The following SERPINB7 variants were observed in gnomAD, a reference collection of about 807,000 sequenced individuals.
SERPINB7 encodes serpin family B member 7, also known as serpin B7.
In SERPINB7, 31 loss-of-function variants were observed where a neutral mutation model predicts 37.4. The observed-to-expected ratio is 0.83, with a 90% CI of 0.62 to 1.12. SERPINB7 has a LOEUF of 1.12. Ranked by LOEUF, SERPINB7 falls within the 50% of genes most tolerant of loss-of-function variation. The pLI is 0.00. For missense variants in SERPINB7, 521 were observed against 455.3 expected (o/e 1.14, Z -1.31); for synonymous variants, 163 against 166.1 (o/e 0.98, Z 0.14).
At position 63,767,816 on chromosome 18, in the gene SERPINB7, G is replaced by C. The variant is rs147533203; in HGVS notation, c.-18-14539G>C. On this transcript the variant is annotated intron_variant, in intron 1 of 7. Transcript: ENST00000336429. ...CTGGGACTTGAGATTTCTATTTTTG[G>C]AGTTTAAAACTACACATTTAATTTT... Among the ~76,000 whole-genome samples the C allele has an allele frequency of 7.4e-3, 1,125 of 152,074 alleles. 3 individuals carry two copies. The highest frequency in any genetic ancestry group is 0.017 in the Middle Eastern group (5 of 294).
In SERPINB7 at chr18:63,782,402, GT is replaced by G. The variant is rs2049309432; in HGVS notation, c.34del (p.Cys12AlafsTer22). 1 of 1,613,406 alleles carries G rather than the reference GT, an allele frequency of 6.2e-7. No homozygotes were observed. The highest frequency in any genetic ancestry group is 1.7e-5 in the Admixed American group (1 of 59,980). On this transcript the variant is annotated frameshift_variant, in exon 2 of 8. Coordinates refer to ENST00000398019, the MANE Select transcript of SERPINB7 (RefSeq NM_003784.4). LOFTEE classifies it high-confidence loss of function. MASLAAANAEFCFNLFREMDD... is the reference protein window; with the variant it reads MASLAAANAEXCFNLFREMDD... ...CCTCCCTTGCTGCAGCAAATGCAGA[GT>G]TTTGCTTCAACCTGTTCAGAGAGAT...
chr18:63,786,089 TA>T (rs200640442), intron 2 of SERPINB7, among the ~76,000 whole-genome samples: 2,879 of 129,136 alleles, frequency 0.022, 665 homozygotes, highest in African/African-American at 0.1. Flanking sequence ...CATATATACA[TA>T]TAATATAAGT....
intron 7 of SERPINB7, among the ~76,000 whole-genome samples, chr18:63,802,896 A>G (rs1309838746): frequency 6.6e-6 from 1 of 152,232 alleles, no homozygotes; most frequent in Admixed American, 6.5e-5. Context: ...AGCAAGAGAA[A>G]TGTCATAAAA....
chr18:63,794,354 T>C lies in SERPINB7; in HGVS notation c.336+1077T>C, dbSNP rs1018123884. Among the ~76,000 whole-genome samples the C allele has an allele frequency of 8.5e-5, 13 of 152,064 alleles. 1 individual carries two copies. Among genetic ancestry groups the C allele is most frequent in the African/African-American group, 3.1e-4 (13 of 41,384 alleles). ...CTTTATTCCTTGCTGACATCTTGCA[T>C]GTATCAATCTCTTGCATGTTTCAAC... On this transcript the variant is annotated intron_variant, in intron 4 of 7. Transcript: ENST00000398019.
chr18:63,785,406 A>C (rs1190608060), intron 2 of SERPINB7, among the ~76,000 whole-genome samples: 4 of 152,086 alleles, frequency 2.6e-5, no homozygotes, highest in Admixed American at 2.6e-4. Flanking sequence ...TCTTTAACCC[A>C]ATCTTTTTAA....
intron 7 of SERPINB7, among the ~76,000 whole-genome samples, chr18:63,802,593 GTGTA>G (rs1416094323): frequency 6.6e-6 from 1 of 152,148 alleles, no homozygotes; most frequent in Non-Finnish European, 1.5e-5. Flanking sequence ...GCATATTTGT[GTGTA>G]TGTATGTGCA....
chr18:63,770,646 A>G (rs60414495), upstream of SERPINB7, among the ~76,000 whole-genome samples: 4,382 of 152,108 alleles, frequency 0.029, 107 homozygotes, highest in African/African-American at 0.058. Flanking sequence ...TAGTTTTATT[A>G]AATGTGATCA....
chr18:63,760,490 G>T (rs551145921), intron 1 of SERPINB7, among the ~76,000 whole-genome samples: 1 of 152,336 alleles, frequency 6.6e-6, no homozygotes, highest in South Asian at 2.1e-4. Flanking sequence ...GCTGGCTGCA[G>T]AAATTTGCAT....
rs765412047 is a variant in SERPINB7, at chr18:63,798,728, C to T, written c.579C>T (p.Cys193=). 2.5e-6 allele frequency: 4 copies of T among 1,612,018 alleles called. No homozygotes were observed. The African/African-American group carries it at 5.3e-5, about 22-fold the overall frequency. ...SAFTKSETIN[C]HFKSPKCSGK... ...TCACCAAGAGCGAAACCATAAATTG[C>T]CATTTCAAATCTCCCAAGGTATGTC... The change falls in exon 6 of 8, where the codon TGC becomes TGT. Residue 193 remains cysteine (C), a synonymous_variant. Coordinates refer to ENST00000398019, the MANE Select transcript of SERPINB7 (RefSeq NM_003784.4).
intron 5 of SERPINB7, among the ~76,000 whole-genome samples, chr18:63,798,178 T>C (rs2049508105): frequency 6.6e-6 from 1 of 152,212 alleles, no homozygotes; most frequent in Admixed American, 6.5e-5. Context: ...TTATGTGGAA[T>C]GAAGGAGGGC....
intron 2 of SERPINB7, among the ~76,000 whole-genome samples, chr18:63,790,778 C>T (rs2049418507): frequency 6.6e-6 from 1 of 152,076 alleles, no homozygotes; most frequent in Non-Finnish European, 1.5e-5. Context: ...ACCCAGCCAT[C>T]CCATTACTGG....
chr18:63,801,998 A>G (rs749425804), intron 7 of SERPINB7, among the ~76,000 whole-genome samples: 2 of 152,328 alleles, frequency 1.3e-5, no homozygotes, highest in South Asian at 2.1e-4. Flanking sequence ...GGGAAGGGCT[A>G]CTATGATCCT....
intron 1 of SERPINB7, among the ~76,000 whole-genome samples, chr18:63,760,647 C>T (rs1014406882): frequency 3.9e-5 from 6 of 152,138 alleles, no homozygotes; most frequent in East Asian, 1.9e-4. Context: ...CCAGGGTCCT[C>T]GTATTGTGTG....
intron 4 of SERPINB7, among the ~76,000 whole-genome samples, chr18:63,795,187 TCAGA>T (rs1319117137): frequency 1.3e-5 from 2 of 152,206 alleles, no homozygotes; most frequent in African/African-American, 2.4e-5. Flanking sequence ...TGTGAAGGAC[TCAGA>T]CAATCTCAAA....
Position 63,804,771 on chromosome 18 carries a change from A to G in SERPINB7, c.*136A>G. 1.1e-6 allele frequency: 1 copy of G among 881,820 alleles called. No homozygotes were observed. Among genetic ancestry groups the G allele is most frequent in the African/African-American group, 1.7e-5 (1 of 58,646 alleles). The allele number at this position is 881,820 out of a possible 1,614,324, so 54.6% of individuals were successfully genotyped here. ...TTCCTAACATTGGTCAGCAGATGACACTGGTGACTTGACCCTTCCTAGACA... is the reference window on the plus strand; with the variant it reads ...TTCCTAACATTGGTCAGCAGATGACGCTGGTGACTTGACCCTTCCTAGACA... On this transcript the variant is annotated 3_prime_UTR_variant, in exon 8 of 8. Coordinates refer to ENST00000398019, the MANE Select transcript of SERPINB7 (RefSeq NM_003784.4).
chr18:63,791,777 A>ATT lies in SERPINB7; in HGVS notation c.169-611_169-610dup, dbSNP rs148948498. Among the ~76,000 whole-genome samples, 200 of 151,644 alleles carry ATT rather than the reference A, an allele frequency of 1.3e-3. 2 individuals are homozygous for ATT. Among genetic ancestry groups the ATT allele is most frequent in the Non-Finnish European group, 2.1e-3 (145 of 67,914 alleles). On this transcript the variant is annotated intron_variant, in intron 2 of 7. Transcript: ENST00000398019. ...AGGCGCCCACCACCACAACCAGCTAATTTTTTGTATTTTTAGTAGAGACGG... is the reference window on the plus strand; with the variant it reads ...AGGCGCCCACCACCACAACCAGCTAATTTTTTTTGTATTTTTAGTAGAGACGG...
At chr18:63,798,417 AC>A (rs1345137594) in intron 5 of SERPINB7, among the ~76,000 whole-genome samples, 186 bp from the exon 6 acceptor site, 2 of 152,156 alleles carry the variant, frequency 1.3e-5, no homozygotes, top group Admixed American at 1.3e-4. Flanking sequence ...TAAGGATTAA[AC>A]CAAAGATTGC....
At chr18:63,801,122 C>A in intron 7 of SERPINB7, 110 bp downstream of exon 7, 2 of 992,686 alleles carry the variant, frequency 2.0e-6, no homozygotes, top group Non-Finnish European at 1.5e-6. Context: ...ATACTAGAGA[C>A]TTACCTGCTT....
At chr18:63,792,536 G>C (rs1021676216) in intron 3 of SERPINB7, 93 bp downstream of exon 3, 2 of 798,450 alleles carry the variant, frequency 2.5e-6, no homozygotes, top group Non-Finnish European at 4.2e-6. Context: ...GCTGAGGCGG[G>C]TGGATGACTG....
Sources: allele counts gnomAD v4.1 joint callset (sites outside exome capture counted in the v4.1 genomes callset), GRCh38; gene constraint gnomAD v4.1.1; transcripts MANE v1.5; gene names NCBI Gene and HGNC (gene_info 2026-07-23, HGNC 2026-07-21).